HERC6: variants seen among roughly 807,000 people sequenced by gnomAD.
HERC6 encodes the protein HECT and RLD domain containing E3 ubiquitin protein ligase family member 6, also known as probable E3 ubiquitin-protein ligase HERC6.
In HERC6, 101 loss-of-function variants were observed where a neutral mutation model predicts 114.5. The ratio of observed to expected loss-of-function variants is 0.88; its 90% CI spans 0.75 to 1.04. HERC6 has a LOEUF of 1.04. HERC6 is among the 50% of genes least tolerant of loss of function. The pLI, the probability that HERC6 is intolerant of heterozygous loss-of-function variation, is 0.00. For synonymous variants in HERC6, 408 were observed against 436.2 expected (o/e 0.94, Z 0.81); for missense variants, 1,133 against 1,230.9 (o/e 0.92, Z 1.19).
intron 8 of HERC6, among the ~76,000 whole-genome samples, chr4:88,401,538 G>A (rs1356087076): frequency 6.6e-6 from 1 of 151,590 alleles, no homozygotes; most frequent in East Asian, 1.9e-4. Flanking sequence ...GTGAATAATT[G>A]CAGAAGCAAT....
At chr4:88,401,120 A>G (rs1024734162) in intron 8 of HERC6, among the ~76,000 whole-genome samples, 5 of 152,216 alleles carry the variant, frequency 3.3e-5, no homozygotes, top group Non-Finnish European at 5.9e-5. Context: ...GAACAAGTGC[A>G]AACAATGCCT....
intron 8 of HERC6, chr4:88,399,332 A>C (rs1201416836): frequency 6.6e-6 from 1 of 152,196 alleles, no homozygotes; most frequent in Non-Finnish European, 1.5e-5. Flanking sequence ...CCACTCAACA[A>C]AAATTGAGAC....
Position 88,396,192 on chromosome 4 carries a change from T to C in HERC6, c.887+50T>C, listed in dbSNP as rs200520704. 2.8e-4 allele frequency: 396 copies of C among 1,415,522 alleles called. 2 individuals are homozygous for C. The highest frequency in any genetic ancestry group is 2.1e-4 in the Admixed American group (8 of 38,740). The allele number at this position is 1,415,522 out of a possible 1,614,324, so 87.7% of individuals were successfully genotyped here. On this transcript the variant is annotated intron_variant, in intron 6 of 22. Transcript: ENST00000264346. ...TTCTTAGCATGTGTAGAAAGTGTTA[T>C]ATTTTATTACTTAGAAATGACTCAT...
Position 88,378,967 on chromosome 4 carries a change from A to C in HERC6, c.46A>C (p.Arg16=). ...GADSRELQRR[R]TAGSPGAELL... ...CGACTCCAGGGAGCTGCAGCGCCGG[A>C]GGACGGCGGGCAGCCCCGGGGCTGA... Residue 16 remains arginine, a synonymous_variant, in exon 1 of 23, where the codon AGG becomes CGG. Coordinates refer to ENST00000264346, the MANE Select transcript of HERC6 (RefSeq NM_017912.4). The C allele has an allele frequency of 6.3e-7, 1 of 1,592,502 alleles. No individual in the cohort carries two copies. The highest frequency in any genetic ancestry group is 8.5e-7 in the Non-Finnish European group (1 of 1,170,700).
intron 18 of HERC6, 88 bp from the exon 19 acceptor site, chr4:88,436,817 T>C: frequency 1.2e-6 from 1 of 852,282 alleles, no homozygotes; most frequent in South Asian, 1.7e-5. Flanking sequence ...TACATTTCTA[T>C]ATTGTTCACA....
At chr4:88,437,529 G>A (rs1014380308) in intron 19 of HERC6, among the ~76,000 whole-genome samples, 182 bp from the exon 20 acceptor site, 2 of 152,138 alleles carry the variant, frequency 1.3e-5, no homozygotes, top group African/African-American at 2.4e-5. Flanking sequence ...TGTACAACAT[G>A]TACTAGGGTA....
Position 88,413,106 on chromosome 4 carries a change from C to T in HERC6, c.1398C>T (p.Leu466=), listed in dbSNP as rs781585858. Reference sequence around the variant, plus strand: ...CTACGTGTCTCGAGGATGATCTGCTCAGAGCTCTTCCATGCCATTCTCCAC... The same window carrying T: ...CTACGTGTCTCGAGGATGATCTGCTTAGAGCTCTTCCATGCCATTCTCCAC... ...MITTCLEDDL[L]RALPCHSPHQ... Residue 466 remains leucine (L), a synonymous_variant, in exon 12 of 23, where the codon CTC becomes CTT. Transcript: ENST00000264346. 29 of 1,612,720 alleles carry T rather than the reference C, an allele frequency of 1.8e-5. No homozygotes were observed. The highest frequency in any genetic ancestry group is 2.4e-5 in the Non-Finnish European group (28 of 1,179,336).
At chr4:88,421,930 C>A (rs190207431) in intron 13 of HERC6, among the ~76,000 whole-genome samples, 2 of 152,196 alleles carry the variant, frequency 1.3e-5, no homozygotes, top group East Asian at 3.9e-4. Context: ...TTATTTAGGT[C>A]TTTTGTCCAT....
intron 17 of HERC6, among the ~76,000 whole-genome samples, chr4:88,432,521 ACCAGCCTGG>A (rs1453690239): frequency 1.3e-5 from 2 of 151,982 alleles, no homozygotes; most frequent in Non-Finnish European, 2.9e-5. Context: ...GGAATTCGAG[ACCAGCCTGG>A]CCAGCCTGGC....
At chr4:88,406,795 G>T (rs187448971) in intron 10 of HERC6, among the ~76,000 whole-genome samples, 186 of 152,172 alleles carry the variant, frequency 1.2e-3, no homozygotes, top group Admixed American at 2.0e-3. Context: ...GTCTCACTCT[G>T]TCACCCAGGC....
chr4:88,411,796 A>G (rs1016303854), intron 11 of HERC6, among the ~76,000 whole-genome samples: 5 of 152,116 alleles, frequency 3.3e-5, no homozygotes, highest in Non-Finnish European at 7.4e-5. Flanking sequence ...GGGCTGTAAA[A>G]TCCTCCACTC....
chr4:88,433,863 G>A (rs1190908618), intron 17 of HERC6, among the ~76,000 whole-genome samples: 2 of 152,142 alleles, frequency 1.3e-5, no homozygotes, highest in Non-Finnish European at 2.9e-5. Flanking sequence ...ATGAATACAT[G>A]TGAAAAAATA....
chr4:88,438,422 T>C (rs867598645), intron 20 of HERC6, among the ~76,000 whole-genome samples: 1 of 152,100 alleles, frequency 6.6e-6, no homozygotes, highest in Non-Finnish European at 1.5e-5. Context: ...ATTATTATTT[T>C]TAATAGAGAT....
In HERC6 at chr4:88,428,635, A is replaced by T. The variant is rs777193536; in HGVS notation, c.1991A>T (p.Asp664Val). ...CATGAAACAATTCTGCAAAAAAAGG[A>T]TGAATTTCCTCCATCACCCAGATTT... ...LMHETILQKK[D>V]EFPPSPRFIL... is the part of the protein sequence containing the mutation. The change falls in exon 16 of 23, where the codon GAT (aspartate) becomes GTT (valine). Residue 664 changes from aspartate (D) to valine (V), a missense_variant. Coordinates refer to ENST00000264346, the MANE Select transcript of HERC6 (RefSeq NM_017912.4). 6.2e-7 allele frequency: 1 copy of T among 1,609,000 alleles called. No homozygotes were observed. The highest frequency in any genetic ancestry group is 8.5e-7 in the Non-Finnish European group (1 of 1,177,824).
chr4:88,430,039 G>A (rs1206779125), intron 16 of HERC6, among the ~76,000 whole-genome samples: 1 of 152,184 alleles, frequency 6.6e-6, no homozygotes, highest in Admixed American at 6.5e-5. Flanking sequence ...ATTTGTTATT[G>A]AGATATTCAG....
intron 2 of HERC6, among the ~76,000 whole-genome samples, chr4:88,384,610 A>G (rs1317497184): frequency 2.0e-5 from 3 of 152,208 alleles, no homozygotes; most frequent in African/African-American, 7.2e-5. Context: ...GAAGAGATCA[A>G]TTTGACTTGG....
At chr4:88,405,779 T>A (rs1324449612) in intron 10 of HERC6, among the ~76,000 whole-genome samples, 166 bp downstream of exon 10, 1 of 152,210 alleles carries the variant, frequency 6.6e-6, no homozygotes, top group East Asian at 1.9e-4. Context: ...GAAGTAATTT[T>A]CTATTAGACT....
At chr4:88,422,254 T>C (rs1179817128) in intron 13 of HERC6, among the ~76,000 whole-genome samples, 10 of 152,202 alleles carry the variant, frequency 6.6e-5, no homozygotes, top group Non-Finnish European at 1.2e-4. Flanking sequence ...TTGGATTTTC[T>C]CTGTATAGAA....
In HERC6 at chr4:88,403,258, C is replaced by T. The variant is rs148304290; in HGVS notation, c.1093-1618C>T. Among the ~76,000 whole-genome samples, 316 of 152,264 alleles carry T rather than the reference C, an allele frequency of 2.1e-3. 2 individuals carry two copies. Among genetic ancestry groups the T allele is most frequent in the Admixed American group, 5.2e-3 (80 of 15,298 alleles). On this transcript the variant is annotated intron_variant, in intron 8 of 22. Coordinates refer to ENST00000264346, the MANE Select transcript of HERC6 (RefSeq NM_017912.4). ...CACCCTCTACCCTGACCCACTGAAG[C>T]AGAAACTATGGGGTGGAGCCCAGCA...
Sources: allele counts gnomAD v4.1 joint callset (sites outside exome capture counted in the v4.1 genomes callset), GRCh38; gene constraint gnomAD v4.1.1; transcripts MANE v1.5; gene names NCBI Gene and HGNC (gene_info 2026-07-23, HGNC 2026-07-21).